The following ERBB4 variants were observed in gnomAD, a reference collection of about 807,000 sequenced individuals.
ERBB4 encodes the protein receptor tyrosine-protein kinase erbB-4.
In ERBB4, 42 loss-of-function variants were observed where a neutral mutation model predicts 158.0. That is an observed-to-expected ratio of 0.27 (90% CI 0.21 to 0.34). The LOEUF is 0.34. Ranked by LOEUF, ERBB4 falls within the 10% of genes least tolerant of loss-of-function variation. The pLI, the probability that ERBB4 is intolerant of heterozygous loss-of-function variation, is 1.00. For synonymous variants in ERBB4, 583 were observed against 558.7 expected (o/e 1.04, Z -0.61); for missense variants, 1,333 against 1,624.1 (o/e 0.82, Z 3.08).
intron 2 of ERBB4, among the ~76,000 whole-genome samples, chr2:211,954,272 G>C (rs375730600): frequency 2.0e-5 from 3 of 151,946 alleles, no homozygotes; most frequent in African/African-American, 7.2e-5. Flanking sequence ...TAAGTGTTTA[G>C]AATGATTTTA....
chr2:212,243,035 T>C (rs915326712), intron 1 of ERBB4, among the ~76,000 whole-genome samples: 17 of 152,218 alleles, frequency 1.1e-4, no homozygotes, highest in African/African-American at 3.4e-4. Flanking sequence ...CCAGATGGTG[T>C]ACTGAGTTCT....
intron 4 of ERBB4, among the ~76,000 whole-genome samples, chr2:211,772,924 C>CACACACACACACACACATATAT (rs1181682464): frequency 5.4e-5 from 2 of 36,738 alleles, no homozygotes; most frequent in African/African-American, 3.0e-4. Flanking sequence ...CACACACACA[C>CACACACACACACACACATATAT]ATATATATAT....
At chr2:212,479,552 T>G (rs1185786604) in intron 1 of ERBB4, among the ~76,000 whole-genome samples, 1 of 152,118 alleles carries the variant, frequency 6.6e-6, no homozygotes, top group Non-Finnish European at 1.5e-5. Context: ...AATTCCTCTC[T>G]CTCTCTTAGT....
intron 1 of ERBB4, among the ~76,000 whole-genome samples, chr2:212,191,947 T>C: frequency 7.2e-6 from 1 of 139,692 alleles, no homozygotes; most frequent in East Asian, 2.0e-4. Context: ...ATGATGCATA[T>C]GTTATATATG....
intron 1 of ERBB4, among the ~76,000 whole-genome samples, chr2:212,433,766 GAC>G (rs1244731181): frequency 1.3e-5 from 2 of 151,992 alleles, no homozygotes; most frequent in South Asian, 2.1e-4. Flanking sequence ...TCAACAGAAA[GAC>G]ACAATAATCT....
intron 3 of ERBB4, among the ~76,000 whole-genome samples, chr2:211,902,621 TTAAATATC>T (rs1414680150): frequency 1.3e-5 from 2 of 151,850 alleles, no homozygotes; most frequent in Admixed American, 6.6e-5. Context: ...TCTGAATTCT[TTAAATATC>T]TGGGCAAATA....
intron 1 of ERBB4, among the ~76,000 whole-genome samples, chr2:212,203,635 A>C (rs2082652253): frequency 6.6e-6 from 1 of 152,198 alleles, no homozygotes; most frequent in Admixed American, 6.5e-5. Flanking sequence ...AGACCACCAC[A>C]TCAATACTCA....
intron 3 of ERBB4, among the ~76,000 whole-genome samples, chr2:211,896,756 GT>G (rs2079108097): frequency 6.6e-6 from 1 of 152,076 alleles, no homozygotes; most frequent in Non-Finnish European, 1.5e-5. Context: ...GAAAAAGACT[GT>G]TTAACATGCC....
chr2:211,568,763 G>A lies in ERBB4; in HGVS notation c.2302-6675C>T, dbSNP rs377081504. Among the ~76,000 whole-genome samples the A allele has an allele frequency of 3.3e-5, 5 of 152,206 alleles. No homozygotes were observed. The Middle Eastern group carries it at 0.01, about 311-fold the overall frequency. ...TGCAACCATCAGCAGATTTGTGAGCGCTTGAAAGAAATGCTGCCCCTAAAG... is the reference window on the plus strand; with the variant it reads ...TGCAACCATCAGCAGATTTGTGAGCACTTGAAAGAAATGCTGCCCCTAAAG... On this transcript the variant is annotated intron_variant, in intron 19 of 27. Coordinates refer to ENST00000342788, the MANE Select transcript of ERBB4 (RefSeq NM_005235.3).
intron 2 of ERBB4, among the ~76,000 whole-genome samples, chr2:211,958,343 T>A (rs1196693255): frequency 6.6e-6 from 1 of 152,116 alleles, no homozygotes; most frequent in African/African-American, 2.4e-5. Context: ...GCCATGGACT[T>A]GTAGACAAGA....
Position 212,236,484 on chromosome 2 carries a change from A to G in ERBB4, c.83-111581T>C, listed in dbSNP as rs558308595. ...ATCAGGATGATGCTGGCCTCATAAA[A>G]TCAATCAGAGAGGAGTTCCTCTTTT... On this transcript the variant is annotated intron_variant, in intron 1 of 27. Transcript: ENST00000342788. Among the ~76,000 whole-genome samples, 4 of 152,340 alleles carry G rather than the reference A, an allele frequency of 2.6e-5. No individual in the cohort carries two copies. The East Asian group carries it at 7.7e-4, about 29-fold the overall frequency.
At chr2:212,535,050 T>C (rs1277665526) in intron 1 of ERBB4, among the ~76,000 whole-genome samples, 1 of 152,094 alleles carries the variant, frequency 6.6e-6, no homozygotes, top group Non-Finnish European at 1.5e-5. Context: ...TTTCTATGCA[T>C]ACATGATTAA....
At chr2:212,176,793 C>T (rs1463759256) in intron 1 of ERBB4, among the ~76,000 whole-genome samples, 1 of 151,824 alleles carries the variant, frequency 6.6e-6, no homozygotes, top group Non-Finnish European at 1.5e-5. Context: ...GTTGATCCAT[C>T]TACGTGTATG....
chr2:211,770,181 A>G (rs912631051), intron 4 of ERBB4, among the ~76,000 whole-genome samples: 5 of 152,222 alleles, frequency 3.3e-5, no homozygotes, highest in African/African-American at 7.2e-5. Flanking sequence ...AGATCACCAG[A>G]TGTCTCTTAC....
chr2:211,624,315 G>A (rs887746708), intron 17 of ERBB4, among the ~76,000 whole-genome samples: 6 of 152,008 alleles, frequency 3.9e-5, no homozygotes, highest in African/African-American at 1.4e-4. Context: ...AGGCATACTA[G>A]GCTACGAGAT....
chr2:212,471,659 T>TA (rs1486054341), intron 1 of ERBB4, among the ~76,000 whole-genome samples: 1 of 151,946 alleles, frequency 6.6e-6, no homozygotes, highest in Non-Finnish European at 1.5e-5. Context: ...CACAACTTTC[T>TA]AAAAATAATC....
At chr2:212,494,485 A>G (rs1690451051) in intron 1 of ERBB4, among the ~76,000 whole-genome samples, 1 of 152,042 alleles carries the variant, frequency 6.6e-6, no homozygotes, top group African/African-American at 2.4e-5. Flanking sequence ...AGAAATTCCT[A>G]GGGATTAGTG....
At chr2:211,680,271 T>C (rs1328320016) in intron 12 of ERBB4, among the ~76,000 whole-genome samples, 1 of 152,162 alleles carries the variant, frequency 6.6e-6, no homozygotes, top group Non-Finnish European at 1.5e-5. Flanking sequence ...TTCAGGATAT[T>C]ATTATTTATA....
At chr2:212,333,065 G>A (rs1454268583) in intron 1 of ERBB4, among the ~76,000 whole-genome samples, 1 of 152,032 alleles carries the variant, frequency 6.6e-6, no homozygotes, top group African/African-American at 2.4e-5. Context: ...TTTGTGTGAG[G>A]TGGTTAAAAT....
Sources: allele counts gnomAD v4.1 joint callset (sites outside exome capture counted in the v4.1 genomes callset), GRCh38; gene constraint gnomAD v4.1.1; transcripts MANE v1.5; gene names NCBI Gene and HGNC (gene_info 2026-07-23, HGNC 2026-07-21).